ANK3: variants seen among roughly 807,000 people sequenced by gnomAD.
ANK3 encodes ankyrin 3, also known as ankyrin-3.
Under a neutral mutation model 370.9 loss-of-function variants are expected in ANK3, and 57 were observed. That is an observed-to-expected ratio of 0.15 (90% CI 0.12 to 0.19). ANK3 has a LOEUF of 0.19. Among genes scored for constraint, ANK3 ranks in the 10% least tolerant of loss-of-function variants. The pLI is 1.00. For missense variants in ANK3, 4,439 were observed against 5,302.1 expected, an observed-to-expected ratio of 0.84 and a Z score of 5.06; for synonymous variants, 1,929 against 1,946.3, an observed-to-expected ratio of 0.99 and a Z score of 0.23.
chr10:60,059,976 G>T (rs779325532), intron 40 of ANK3: 21 of 1,602,288 alleles, frequency 1.3e-5, no homozygotes, highest in East Asian at 2.2e-5. Context: ...CCCTGTGGGG[G>T]TTTCCAGTTC....
At chr10:60,405,231 A>G (rs1314581539) in intron 2 of ANK3, among the ~76,000 whole-genome samples, 2 of 152,206 alleles carry the variant, frequency 1.3e-5, no homozygotes, top group East Asian at 1.9e-4. Flanking sequence ...AAGAATGTTT[A>G]TGGAAGCTTT....
At chr10:60,575,990 A>G (rs548853576) in intron 2 of ANK3, among the ~76,000 whole-genome samples, 1 of 152,296 alleles carries the variant, frequency 6.6e-6, no homozygotes, top group South Asian at 2.1e-4. Context: ...TGACCTAAAA[A>G]CAGTCTAGGG....
intron 2 of ANK3, among the ~76,000 whole-genome samples, chr10:60,430,661 G>T (rs971925625): frequency 1.9e-4 from 29 of 152,212 alleles, no homozygotes; most frequent in Admixed American, 1.8e-3. Context: ...TTACCCCAGA[G>T]AATTTTTTTA....
chr10:60,678,074 C>T (rs553230415), intron 1 of ANK3, among the ~76,000 whole-genome samples: 70 of 152,280 alleles, frequency 4.6e-4, no homozygotes, highest in African/African-American at 1.6e-3. Context: ...ATATAAAACA[C>T]AGACTGAGAA....
At chr10:60,384,460 T>C (rs976544165) in intron 1 of ANK3, among the ~76,000 whole-genome samples, 9 of 152,204 alleles carry the variant, frequency 5.9e-5, no homozygotes, top group African/African-American at 2.4e-5. Flanking sequence ...CCCACTTTGA[T>C]GTGTAGCTGT....
rs34302629 is a variant in ANK3 at position 60,301,123 on chromosome 10, G to GATATATAT, written c.115-21492_115-21485dup. On this transcript the variant is annotated intron_variant, in intron 1 of 43. Transcript: ENST00000280772. ...ACCAAACAACTCATTGAATACTTCCGATATATATATATATATATATATGTA... is the reference window on the plus strand; with the variant it reads ...ACCAAACAACTCATTGAATACTTCCGATATATATATATATATATATATATATATATGTA... Among the ~76,000 whole-genome samples the GATATATAT allele has an allele frequency of 7.1e-4, 96 of 135,218 alleles. 1 individual carries two copies. The highest frequency in any genetic ancestry group is 2.4e-3 in the East Asian group (11 of 4,582). 88.7% of individuals were successfully genotyped at this position (135,218 alleles called of 152,430 possible).
chr10:60,234,847 C>G (rs1592177636), intron 7 of ANK3, 61 bp from the exon 8 acceptor site: 2 of 1,052,668 alleles, frequency 1.9e-6, no homozygotes, highest in East Asian at 5.0e-5. Context: ...ACGTTCCTTT[C>G]TAAACTTCCC....
chr10:60,335,231 C>A (rs778351249), intron 1 of ANK3, among the ~76,000 whole-genome samples: 10 of 151,812 alleles, frequency 6.6e-5, no homozygotes, highest in Non-Finnish European at 1.3e-4. Flanking sequence ...GTAAGGGAAG[C>A]GAGGGTTACT....
intron 1 of ANK3, among the ~76,000 whole-genome samples, chr10:60,311,235 T>A (rs1181141503): frequency 6.6e-6 from 1 of 152,122 alleles, no homozygotes; most frequent in African/African-American, 2.4e-5. Context: ...AGCACACAGA[T>A]GAATGAAGAA....
At chr10:60,696,432 G>T (rs1473960811) in intron 1 of ANK3, among the ~76,000 whole-genome samples, 2 of 150,408 alleles carry the variant, frequency 1.3e-5, no homozygotes, top group African/African-American at 2.5e-5. Flanking sequence ...TACCAAAGCC[G>T]GGCAGAGACA....
chr10:60,047,773 G>GT (rs1289621610), intron 42 of ANK3, among the ~76,000 whole-genome samples: 1 of 152,080 alleles, frequency 6.6e-6, no homozygotes. Context: ...TTGGTTTACA[G>GT]TTTTTTACCT....
intron 1 of ANK3, among the ~76,000 whole-genome samples, chr10:60,363,979 T>TTTG (rs1159943401): frequency 1.4e-5 from 2 of 145,506 alleles, no homozygotes; most frequent in African/African-American, 2.5e-5. Flanking sequence ...TGTTTTTTTT[T>TTTG]TTTTTTTTTT....
intron 1 of ANK3, among the ~76,000 whole-genome samples, chr10:60,726,982 C>T (rs1255053026): frequency 1.3e-5 from 2 of 151,900 alleles, no homozygotes; most frequent in African/African-American, 4.8e-5. Flanking sequence ...GAACAATTTC[C>T]CCAATGGATT....
At chr10:60,305,907 C>T (rs139220712) in intron 1 of ANK3, among the ~76,000 whole-genome samples, 1 of 152,086 alleles carries the variant, frequency 6.6e-6, no homozygotes, top group South Asian at 2.1e-4. Flanking sequence ...CTTTCACAGT[C>T]GGATATGGCG....
chr10:60,368,329 G>A (rs1262742172), intron 1 of ANK3, among the ~76,000 whole-genome samples: 1 of 151,996 alleles, frequency 6.6e-6, no homozygotes, highest in African/African-American at 2.4e-5. Flanking sequence ...TCATGCAACG[G>A]CACATAGTCA....
chr10:60,218,203 A>G (rs1227751340), intron 8 of ANK3, among the ~76,000 whole-genome samples: 5 of 149,632 alleles, frequency 3.3e-5, no homozygotes, highest in Non-Finnish European at 1.5e-5. Flanking sequence ...CTTCCTGAAT[A>G]GAGCACACTG....
chr10:60,493,400 G>A (rs184476115), intron 2 of ANK3, among the ~76,000 whole-genome samples: 8 of 152,210 alleles, frequency 5.3e-5, no homozygotes, highest in Admixed American at 2.6e-4. Flanking sequence ...TATGGGAGGA[G>A]GCAGCAACAT....
At chr10:60,099,158 T>A (rs559958888) in intron 28 of ANK3, among the ~76,000 whole-genome samples, 9 of 152,270 alleles carry the variant, frequency 5.9e-5, no homozygotes, top group African/African-American at 2.2e-4. Context: ...GGCCCCAGAC[T>A]TCCTCTCTCC....
At chr10:60,482,045 T>A (rs912328711) in intron 2 of ANK3, among the ~76,000 whole-genome samples, 1 of 152,188 alleles carries the variant, frequency 6.6e-6, no homozygotes, top group Non-Finnish European at 1.5e-5. Context: ...ACTGCTCTCC[T>A]TTTCTGTTCT....
Sources: gnomAD v4.1 joint callset for allele counts (sites outside exome capture counted in the v4.1 genomes callset) on GRCh38, gnomAD v4.1.1 for gene constraint, MANE v1.5 for transcripts, NCBI Gene and HGNC (gene_info 2026-07-23, HGNC 2026-07-21) for gene names.